GBGT1: variants seen among roughly 807,000 people sequenced by gnomAD.
GBGT1 encodes the protein globoside alpha-1,3-N-acetylgalactosaminyltransferase 1.
Under a neutral mutation model 20.9 loss-of-function variants are expected in GBGT1, and 18 were observed. The ratio of observed to expected loss-of-function variants is 0.86; its 90% CI spans 0.60 to 1.28. The LOEUF is 1.28. GBGT1 is among the 50% of genes most tolerant of loss of function. The pLI is 0.00. For synonymous variants in GBGT1, 168 were observed against 180.8 expected, an observed-to-expected ratio of 0.93 and a Z score of 0.57; for missense variants, 432 against 455.7, an observed-to-expected ratio of 0.95 and a Z score of 0.47.
chr9:133,155,640 A>G (rs1006588964), intron 5 of GBGT1, among the ~76,000 whole-genome samples: 1 of 152,190 alleles, frequency 6.6e-6, no homozygotes, highest in African/African-American at 2.4e-5. Flanking sequence ...AGATGTTACA[A>G]TACCTCTCAT....
chr9:133,157,714 T>C (rs1183698241), intron 3 of GBGT1, among the ~76,000 whole-genome samples: 1 of 152,258 alleles, frequency 6.6e-6, no homozygotes, highest in Non-Finnish European at 1.5e-5. Context: ...TGGGCTCACC[T>C]CTGGCTCTGC....
chr9:133,155,754 G>T, intron 5 of GBGT1, 147 bp downstream of exon 5: 1 of 841,446 alleles, frequency 1.2e-6, no homozygotes, highest in Non-Finnish European at 1.9e-6. Context: ...CCAGGTCCCT[G>T]ACTCCCAGCC....
At position 133,153,506 on chromosome 9, in the gene GBGT1, C is replaced by G; in HGVS notation, c.*71G>C. On this transcript the variant is annotated 3_prime_UTR_variant, in exon 7 of 7. Coordinates refer to ENST00000372040, the MANE Select transcript of GBGT1 (RefSeq NM_021996.6). ...GACAGGGAGGCGGGACAGGGCTGGT[C>G]TGCACGCTAGTGAAGCACTGGTGGC... 8.6e-7 allele frequency: 1 copy of G among 1,167,832 alleles called. No individual in the cohort carries two copies. Among genetic ancestry groups the G allele is most frequent in the East Asian group, 2.4e-5 (1 of 41,718 alleles). 72.3% of individuals were successfully genotyped at this position (1,167,832 alleles called of 1,614,324 possible). A position where few individuals can be genotyped will look rare whatever the true frequency, so the allele number is the denominator to read the frequency against.
At position 133,160,735 on chromosome 9, in the gene GBGT1, T is replaced by C. The variant is rs184544202; in HGVS notation, c.137+732A>G. ...AATAAGATGATGGTGACCGGACCGATGCAGTAGCTCATGCCTGTAATCTCA... is the reference window on the plus strand; with the variant it reads ...AATAAGATGATGGTGACCGGACCGACGCAGTAGCTCATGCCTGTAATCTCA... On this transcript the variant is annotated intron_variant, in intron 3 of 6. Transcript: ENST00000372040. 3.9e-3 allele frequency among the ~76,000 whole-genome samples: 593 copies of C among 152,178 alleles called. 7 individuals carry two copies. The South Asian group carries it at 0.041, about 11-fold the overall frequency.
Position 133,157,663 on chromosome 9 carries a change from G to A in GBGT1, c.138-1598C>T, listed in dbSNP as rs554116275. Among the ~76,000 whole-genome samples, 100 of 152,342 alleles carry A rather than the reference G, an allele frequency of 6.6e-4. 1 individual carries two copies. Among genetic ancestry groups the A allele is most frequent in the African/African-American group, 2.3e-3 (96 of 41,572 alleles). The stretch of plus-strand genomic sequence containing the variant: ...CAAACTGGTTGGAGAAGAAAGAAGG[G>A]GGTCCATGAAGGAGGTGCCAGGGCT... On this transcript the variant is annotated intron_variant, in intron 3 of 6. Coordinates refer to ENST00000372040, the MANE Select transcript of GBGT1 (RefSeq NM_021996.6).
Position 133,156,081 on chromosome 9 carries a change from A to G in GBGT1, c.138-16T>C. On this transcript the variant is annotated splice_polypyrimidine_tract_variant and intron_variant, in intron 3 of 6. Coordinates refer to ENST00000372040, the MANE Select transcript of GBGT1 (RefSeq NM_021996.6). ...CTTCATGTTGCTGGTGGCAGAGGCA[A>G]GAAAGAGCCATCATCATGGGTCTGG... The G allele has an allele frequency of 6.2e-7, 1 of 1,613,766 alleles. No individual in the cohort carries two copies. The highest frequency in any genetic ancestry group is 8.5e-7 in the Non-Finnish European group (1 of 1,179,854).
rs749106719 is a variant in GBGT1 at position 133,162,464 on chromosome 9, G to T, written c.-52C>A. The T allele has an allele frequency of 2.7e-6, 4 of 1,459,710 alleles. No homozygotes were observed. Among genetic ancestry groups the T allele is most frequent in the South Asian group, 1.2e-5 (1 of 83,244 alleles). The allele number at this position is 1,459,710 out of a possible 1,614,324, so 90.4% of individuals were successfully genotyped here. A position where few individuals can be genotyped will look rare whatever the true frequency, so the allele number is the denominator to read the frequency against. ...CACTTGTAGAGACCCCCACTGGCCTGGGCGGATGAGGCTGTCCCCTCGCAG... is the reference window on the plus strand; with the variant it reads ...CACTTGTAGAGACCCCCACTGGCCTTGGCGGATGAGGCTGTCCCCTCGCAG... On this transcript the variant is annotated 5_prime_UTR_variant, in exon 2 of 7. Transcript: ENST00000372040.
intron 2 of GBGT1, 92 bp from the exon 3 acceptor site, chr9:133,161,624 T>A: frequency 1.2e-6 from 1 of 848,428 alleles, no homozygotes; most frequent in Non-Finnish European, 1.9e-6. Flanking sequence ...AGTGCAGGTC[T>A]CCCACAGTGC....
intron 3 of GBGT1, among the ~76,000 whole-genome samples, chr9:133,158,692 G>A (rs577997726): frequency 9.9e-5 from 15 of 152,248 alleles, no homozygotes; most frequent in Admixed American, 8.5e-4. Flanking sequence ...CAAAACACAA[G>A]ATTTACTACT....
chr9:133,153,946 A>G lies in GBGT1; in HGVS notation c.675T>C (p.Ala225=), dbSNP rs1383403175. The G allele has an allele frequency of 6.2e-7, 1 of 1,610,602 alleles. No homozygotes were observed. Among genetic ancestry groups the G allele is most frequent in the Non-Finnish European group, 8.5e-7 (1 of 1,177,190 alleles). Residue 225 remains alanine, a synonymous_variant, in exon 7 of 7, where the codon GCT becomes GCC. Transcript: ENST00000372040. The part of the protein sequence containing the change: ...WGPETLGDLV[A]AIHPSYYAVP... ...CGGCGTAGTAGCTTGGGTGAATGGC[A>G]GCCACCAGGTCTCCCAAGGTCTCAG...
In GBGT1 at chr9:133,153,351, G is replaced by GCCTCC. The variant is rs1453979031; in HGVS notation, c.*221_*225dup. On this transcript the variant is annotated 3_prime_UTR_variant, in exon 7 of 7. Coordinates refer to ENST00000372040, the MANE Select transcript of GBGT1 (RefSeq NM_021996.6). ...TGCCGGGCCCTGCCTTTGTAACTGC[G>GCCTCC]CCTCCCCTCCCCCTGTCTCACTGTT... is the stretch of plus-strand genomic sequence containing the variant. 4.4e-4 allele frequency: 172 copies of GCCTCC among 387,006 alleles called. No homozygotes were observed. In the East Asian group the frequency reaches 6.5e-3, roughly 15 times the overall value. The allele number at this position is 387,006 out of a possible 1,614,324, so 24.0% of individuals were successfully genotyped here.
At position 133,154,000 on chromosome 9, in the gene GBGT1, C is replaced by T. The variant is rs1359697604; in HGVS notation, c.621G>A (p.Val207=). 1.2e-6 allele frequency: 2 copies of T among 1,613,912 alleles called. No individual in the cohort carries two copies. The highest frequency in any genetic ancestry group is 1.7e-6 in the Non-Finnish European group (2 of 1,180,006). ...REVDYLFCLD[V]DMVFRNPWGP... ...CCCACGGGTTCCGAAACACCATGTC[C>T]ACATCAAGGCAGAAGAGGTAGTCCA... The change falls in exon 7 of 7, where the codon GTG becomes GTA. Residue 207 remains valine (V), a synonymous_variant. Coordinates refer to ENST00000372040, the MANE Select transcript of GBGT1 (RefSeq NM_021996.6).
chr9:133,155,097 A>G (rs1832829125), intron 6 of GBGT1, 81 bp downstream of exon 6: 1 of 1,316,886 alleles, frequency 7.6e-7, no homozygotes. Context: ...TCCTGTGTGC[A>G]CGTCTGGTCT....
chr9:133,160,252 C>T (rs1832996465), intron 3 of GBGT1: 1 of 191,194 alleles, frequency 5.2e-6, no homozygotes, highest in African/African-American at 2.4e-5. Context: ...GTACTCCAGC[C>T]TGGGTGGCAA....
At chr9:133,158,123 G>A (rs962126696) in intron 3 of GBGT1, among the ~76,000 whole-genome samples, 1 of 151,792 alleles carries the variant, frequency 6.6e-6, no homozygotes, top group Admixed American at 6.6e-5. Context: ...CCAGCCTGGC[G>A]ACAGAGCAAG....
At chr9:133,158,196 C>T (rs535224517) in intron 3 of GBGT1, among the ~76,000 whole-genome samples, 2 of 152,256 alleles carry the variant, frequency 1.3e-5, no homozygotes, top group South Asian at 2.1e-4. Flanking sequence ...GGCCCGAGGC[C>T]GACTGTCCCC....
At chr9:133,158,583 C>G (rs927660059) in intron 3 of GBGT1, among the ~76,000 whole-genome samples, 1 of 152,142 alleles carries the variant, frequency 6.6e-6, no homozygotes, top group South Asian at 2.1e-4. Context: ...CTTGCCTGGT[C>G]CCCTGTGAGT....
Position 133,162,523 on chromosome 9 carries a change from C to A in GBGT1, c.-111G>T. 1.2e-6 allele frequency: 1 copy of A among 809,764 alleles called. No homozygotes were observed. Among genetic ancestry groups the A allele is most frequent in the African/African-American group, 1.7e-5 (1 of 58,810 alleles). The allele number at this position is 809,764 out of a possible 1,614,324, so 50.2% of individuals were successfully genotyped here. On this transcript the variant is annotated 5_prime_UTR_variant, in exon 2 of 7. Transcript: ENST00000372040. ...GGCTCTGAGCCTGGTCTCTGAGGTC[C>A]CAGGAACACCTGCAAAGGAACACTT...
In GBGT1 at chr9:133,153,780, T is replaced by C. The variant is rs778295622; in HGVS notation, c.841A>G (p.Met281Val). Residue 281 changes from methionine to valine, a missense_variant, in exon 7 of 7, where the codon ATG becomes GTG. Physicochemically the swap from Met to Val is conservative, Grantham distance 21 (BLOSUM62 1). Coordinates refer to ENST00000372040, the MANE Select transcript of GBGT1 (RefSeq NM_021996.6). Reference protein sequence around the residue: ...RVYEFTRGCHMAILADKANGI... With the variant: ...RVYEFTRGCHVAILADKANGI... ...TTGGCCTTGTCCGCCAGGATGGCCA[T>C]GTGGCAGCCCCTAGTAAACTCATAT... The C allele has an allele frequency of 8.1e-6, 13 of 1,607,592 alleles. No homozygotes were observed. In the South Asian group the frequency reaches 1.0e-4, roughly 12 times the overall value.
Sources: allele counts gnomAD v4.1 joint callset (sites outside exome capture counted in the v4.1 genomes callset), GRCh38; gene constraint gnomAD v4.1.1; transcripts MANE v1.5; gene names NCBI Gene and HGNC (gene_info 2026-07-23, HGNC 2026-07-21).